FOXI3: variants seen among roughly 807,000 people sequenced by gnomAD.
The protein encoded by FOXI3 is forkhead box protein I3.
Under a neutral mutation model 15.6 loss-of-function variants are expected in FOXI3, and 4 were observed. The observed-to-expected ratio is 0.26, with a 90% CI of 0.13 to 0.59. The LOEUF (loss-of-function observed/expected upper bound fraction) is 0.59, where lower values mean the gene tolerates loss of function less well. Ranked by LOEUF, FOXI3 falls within the 20% of genes least tolerant of loss-of-function variation. FOXI3 has a pLI of 0.90. For synonymous variants in FOXI3, 238 were observed against 244.4 expected, an observed-to-expected ratio of 0.97 and a Z score of 0.25; for missense variants, 489 against 548.2, an observed-to-expected ratio of 0.89 and a Z score of 1.08.
rs754229014 is a variant in FOXI3 at position 88,451,996 on chromosome 2, G to A, written c.540C>T (p.Pro180=). ...HIYQFVADSF[P]FYQRSKAGWQ... is the part of the protein sequence containing the mutation. Reference sequence around the variant, plus strand: ...AGCCGGCCTTGCTGCGCTGGTAGAAGGGGAAGCTATCGGCGACGAACTGGT... The same window carrying A: ...AGCCGGCCTTGCTGCGCTGGTAGAAAGGGAAGCTATCGGCGACGAACTGGT... Residue 180 remains proline (P), a synonymous_variant, in exon 1 of 2, where the codon CCC becomes CCT. Coordinates refer to ENST00000428390, the MANE Select transcript of FOXI3 (RefSeq NM_001135649.3). The A allele has an allele frequency of 6.2e-7, 1 of 1,611,872 alleles. No homozygotes were observed. Among genetic ancestry groups the A allele is most frequent in the Non-Finnish European group, 8.5e-7 (1 of 1,179,016 alleles).
chr2:88,451,811 T>C (rs1396996533), intron 1 of FOXI3, 85 bp downstream of exon 1: 1 of 1,537,952 alleles, frequency 6.5e-7, no homozygotes, highest in Non-Finnish European at 8.8e-7. Context: ...TGGCAGATCT[T>C]CCAGCCGCAC....
Position 88,451,533 on chromosome 2 carries a change from T to A in FOXI3, c.640+363A>T, listed in dbSNP as rs975727229. Among the ~76,000 whole-genome samples the A allele has an allele frequency of 3.3e-5, 5 of 152,332 alleles. No homozygotes were observed. In the East Asian group the frequency reaches 9.7e-4, roughly 29 times the overall value. On this transcript the variant is annotated intron_variant, in intron 1 of 1. Transcript: ENST00000428390. ...ATCCCAGCTCACACGGATCCCTTTATAACCATCCCTTATCTGAGAGCTCCC... is the reference window on the plus strand; with the variant it reads ...ATCCCAGCTCACACGGATCCCTTTAAAACCATCCCTTATCTGAGAGCTCCC...
In FOXI3 at chr2:88,452,007, C is replaced by A. The variant is rs754518049; in HGVS notation, c.529G>T (p.Asp177Tyr). 1 of 1,609,534 alleles carries A rather than the reference C, an allele frequency of 6.2e-7. No individual in the cohort carries two copies. Among genetic ancestry groups the A allele is most frequent in the South Asian group, 1.1e-5 (1 of 90,394 alleles). ...CTGCGCTGGTAGAAGGGGAAGCTAT[C>A]GGCGACGAACTGGTAGATGTGGCTG... ...TLSHIYQFVADSFPFYQRSKA... is the reference protein window; with the variant it reads ...TLSHIYQFVAYSFPFYQRSKA... The change falls in exon 1 of 2, where the codon GAT (aspartate) becomes TAT (tyrosine). Residue 177 changes from aspartate to tyrosine, a missense_variant. By Grantham distance (160) the Asp-to-Tyr change is radical. Coordinates refer to ENST00000428390, the MANE Select transcript of FOXI3 (RefSeq NM_001135649.3).
chr2:88,446,963 T>G lies in FOXI3; in HGVS notation c.*1244A>C, dbSNP rs1388289349. ...CTGGAACCAGATTGTCTGGGTCTGA[T>G]CCTGGCTCCAGTTTACTATCAGTCT... is the stretch of plus-strand genomic sequence containing the variant. On this transcript the variant is annotated 3_prime_UTR_variant, in exon 2 of 2. Transcript: ENST00000428390. 1 of 152,248 alleles carries G rather than the reference T, an allele frequency of 6.6e-6. No individual in the cohort carries two copies. Among genetic ancestry groups the G allele is most frequent in the Admixed American group, 6.5e-5 (1 of 15,288 alleles). The allele number at this position is 152,248 out of a possible 1,614,324, so 9.4% of individuals were successfully genotyped here. A position where few individuals can be genotyped will look rare whatever the true frequency, so the allele number is the denominator to read the frequency against.
rs1208571570 is a variant in FOXI3 at position 88,451,987 on chromosome 2, C to G, written c.549G>C (p.Gln183His). The change falls in exon 1 of 2, where the codon CAG becomes CAC. Residue 183 changes from glutamine (Q) to histidine (H), a missense_variant. By Grantham distance (24) the Gln-to-His change is conservative. Coordinates refer to ENST00000428390, the MANE Select transcript of FOXI3 (RefSeq NM_001135649.3). ...QFVADSFPFY[Q>H]RSKAGWQNSI... ...AGTTCTGCCAGCCGGCCTTGCTGCG[C>G]TGGTAGAAGGGGAAGCTATCGGCGA... 14 of 1,612,452 alleles carry G rather than the reference C, an allele frequency of 8.7e-6. No individual in the cohort carries two copies. Among genetic ancestry groups the G allele is most frequent in the Non-Finnish European group, 1.2e-5 (14 of 1,179,300 alleles).
At position 88,446,843 on chromosome 2, in the gene FOXI3, G is replaced by C. The variant is rs1415350802; in HGVS notation, c.*1364C>G. ...AGAATCTTTGGTCAAATGAGATCTA[G>C]CTCCATTCCTTCCCTCTATATACTT... is the stretch of plus-strand genomic sequence containing the variant. On this transcript the variant is annotated 3_prime_UTR_variant, in exon 2 of 2. Transcript: ENST00000428390. 1.3e-5 allele frequency: 2 copies of C among 152,110 alleles called. No individual in the cohort carries two copies. The highest frequency in any genetic ancestry group is 2.9e-5 in the Non-Finnish European group (2 of 68,030). 9.4% of individuals were successfully genotyped at this position (152,110 alleles called of 1,614,324 possible). A position where few individuals can be genotyped will look rare whatever the true frequency, so the allele number is the denominator to read the frequency against.
Position 88,452,457 on chromosome 2 carries a change from GGGC to G in FOXI3, c.76_78del (p.Ala26del). 1 of 1,060,404 alleles carries G rather than the reference GGGC, an allele frequency of 9.4e-7. No individual in the cohort carries two copies. The highest frequency in any genetic ancestry group is 5.5e-5 in the Admixed American group (1 of 18,152). The allele number at this position is 1,060,404 out of a possible 1,614,324, so 65.7% of individuals were successfully genotyped here. ...GCCCTGGCTGCCGGGGGGGCGCCCG[GGGC>G]GGCGGCGGTGGCGGCGGGCGGGGGC... On this transcript the variant is annotated inframe_deletion, in exon 1 of 2. Transcript: ENST00000428390.
Position 88,447,913 on chromosome 2 carries a change from T to C in FOXI3, c.*294A>G, listed in dbSNP as rs1486347222. ...CATACAGTGATAAACAAAATAGACATGGTCCCCGCCCTCACGGGGCTCACA... is the reference window on the plus strand; with the variant it reads ...CATACAGTGATAAACAAAATAGACACGGTCCCCGCCCTCACGGGGCTCACA... On this transcript the variant is annotated 3_prime_UTR_variant, in exon 2 of 2. Transcript: ENST00000428390. 6.8e-6 allele frequency: 3 copies of C among 444,140 alleles called. No homozygotes were observed. The highest frequency in any genetic ancestry group is 3.5e-5 in the Admixed American group (1 of 28,728). The allele number at this position is 444,140 out of a possible 1,614,324, so 27.5% of individuals were successfully genotyped here. A position where few individuals can be genotyped will look rare whatever the true frequency, so the allele number is the denominator to read the frequency against.
At chr2:88,450,552 C>A (rs1676026790) in intron 1 of FOXI3, among the ~76,000 whole-genome samples, 1 of 152,096 alleles carries the variant, frequency 6.6e-6, no homozygotes, top group African/African-American at 2.4e-5. Context: ...AATATCTCCA[C>A]CTATCTGGAT....
intron 1 of FOXI3, among the ~76,000 whole-genome samples, chr2:88,450,037 G>C (rs1676014465): frequency 6.6e-6 from 1 of 152,042 alleles, no homozygotes; most frequent in Non-Finnish European, 1.5e-5. Context: ...GCGTAACCTT[G>C]GTTCACTGCA....
rs1299725263 is a variant in FOXI3 at position 88,447,044 on chromosome 2, C to A, written c.*1163G>T. 6.6e-6 allele frequency: 1 copy of A among 152,200 alleles called. No homozygotes were observed. The highest frequency in any genetic ancestry group is 2.4e-5 in the African/African-American group (1 of 41,454). 9.4% of individuals were successfully genotyped at this position (152,200 alleles called of 1,614,324 possible). A position where few individuals can be genotyped will look rare whatever the true frequency, so the allele number is the denominator to read the frequency against. ...AGCCACCTGTGCACATTTGAGCTTG[C>A]AATCCTGGTATACAGTGATGACTAA... On this transcript the variant is annotated 3_prime_UTR_variant, in exon 2 of 2. Coordinates refer to ENST00000428390, the MANE Select transcript of FOXI3 (RefSeq NM_001135649.3).
rs757531790 is a variant in FOXI3 at position 88,448,321 on chromosome 2, G to A, written c.1149C>T (p.Tyr383=). 9.7e-6 allele frequency: 15 copies of A among 1,551,572 alleles called. 1 individual carries two copies. The South Asian group carries it at 1.4e-4, about 15-fold the overall frequency. The change falls in exon 2 of 2, where the codon TAC becomes TAT. Residue 383 remains tyrosine (Y), a synonymous_variant. Coordinates refer to ENST00000428390, the MANE Select transcript of FOXI3 (RefSeq NM_001135649.3). ...CGCTGGTGCTGGCAGGGAAAGGGCTGTAATAGGAAGATCTCTGGCCGGTGC... is the reference window on the plus strand; with the variant it reads ...CGCTGGTGCTGGCAGGGAAAGGGCTATAATAGGAAGATCTCTGGCCGGTGC... The part of the protein sequence containing the change: ...SNSTGQRSSY[Y]SPFPASTSGG...
In FOXI3 at chr2:88,448,182, G is replaced by C. The variant is rs1339909460; in HGVS notation, c.*25C>G. 6.5e-7 allele frequency: 1 copy of C among 1,543,142 alleles called. No homozygotes were observed. On this transcript the variant is annotated 3_prime_UTR_variant, in exon 2 of 2. Coordinates refer to ENST00000428390, the MANE Select transcript of FOXI3 (RefSeq NM_001135649.3). ...CAGCATGTGTGCACGCCTCAGGTGTGCATACTCAAGTCTGAGAGTCTGCTC... is the reference window on the plus strand; with the variant it reads ...CAGCATGTGTGCACGCCTCAGGTGTCCATACTCAAGTCTGAGAGTCTGCTC...
In FOXI3 at chr2:88,452,074, G is replaced by T. The variant is rs776925060; in HGVS notation, c.462C>A (p.Ile154=). The T allele has an allele frequency of 1.3e-5, 21 of 1,574,486 alleles. No homozygotes were observed. In the Admixed American group the frequency reaches 2.6e-4, roughly 20 times the overall value. Residue 154 remains isoleucine, a synonymous_variant, in exon 1 of 2, where the codon ATC becomes ATA. Coordinates refer to ENST00000428390, the MANE Select transcript of FOXI3 (RefSeq NM_001135649.3). ...VRPPYSYSAL[I]AMAIQSAPER... is the part of the protein sequence containing the mutation. The stretch of plus-strand genomic sequence containing the variant: ...CGGGCGCGCTCTGAATGGCCATGGC[G>T]ATGAGCGCCGAATACGAGTAGGGCG...
rs2104264774 is a variant in FOXI3, at chr2:88,452,426, T to C, written c.110A>G (p.Tyr37Cys). 1 of 1,016,796 alleles carries C rather than the reference T, an allele frequency of 9.8e-7. No individual in the cohort carries two copies. The highest frequency in any genetic ancestry group is 1.8e-5 in the African/African-American group (1 of 55,618). 63.0% of individuals were successfully genotyped at this position (1,016,796 alleles called of 1,614,324 possible). ...PGAPPAARAP[Y>C]GLADYAAPPA... Reference sequence around the variant, plus strand: ...CGGCGCGGCGTAGTCGGCCAGCCCGTAAGGCGCCCTGGCTGCCGGGGGGGC... The same window carrying C: ...CGGCGCGGCGTAGTCGGCCAGCCCGCAAGGCGCCCTGGCTGCCGGGGGGGC... Residue 37 changes from tyrosine (Y) to cysteine (C), a missense_variant, in exon 1 of 2, where the codon TAC becomes TGC. Transcript: ENST00000428390.
At chr2:88,451,868 C>T in intron 1 of FOXI3, 28 bp downstream of exon 1, 1 of 1,604,696 alleles carries the variant, frequency 6.2e-7, no homozygotes. Flanking sequence ...CCCTCCCCGG[C>T]TGGGAAGCAC....
chr2:88,448,969 T>C, intron 1 of FOXI3, 140 bp from the exon 2 acceptor site: 4 of 1,087,832 alleles, frequency 3.7e-6, no homozygotes, highest in Non-Finnish European at 3.9e-6. Flanking sequence ...ACCAATCCTC[T>C]TTCGGGGAAA....
Position 88,452,087 on chromosome 2 carries a change from T to A in FOXI3, c.449A>T (p.Tyr150Phe). ...AATGGCCATGGCGATGAGCGCCGAA[T>A]ACGAGTAGGGCGGCCGCACCATCTT... is the stretch of plus-strand genomic sequence containing the variant. ...LMKMVRPPYS[Y>F]SALIAMAIQS... is the part of the protein sequence containing the mutation. The change falls in exon 1 of 2, where the codon TAT (tyrosine) becomes TTT (phenylalanine). Residue 150 changes from tyrosine to phenylalanine, a missense_variant. Transcript: ENST00000428390. The A allele has an allele frequency of 6.4e-7, 1 of 1,566,582 alleles. No individual in the cohort carries two copies. Among genetic ancestry groups the A allele is most frequent in the Non-Finnish European group, 8.6e-7 (1 of 1,156,198 alleles).
At chr2:88,450,229 C>T (rs1676018612) in intron 1 of FOXI3, among the ~76,000 whole-genome samples, 1 of 152,046 alleles carries the variant, frequency 6.6e-6, no homozygotes. Flanking sequence ...CTTAGCAGTT[C>T]GAGACCAGCC....
Sources: allele counts gnomAD v4.1 joint callset (sites outside exome capture counted in the v4.1 genomes callset), GRCh38; gene constraint gnomAD v4.1.1; transcripts MANE v1.5; gene names NCBI Gene and HGNC (gene_info 2026-07-23, HGNC 2026-07-21).